Variants in YES1 observed in about 807,000 individuals in gnomAD.
YES1 encodes YES proto-oncogene 1, Src family tyrosine kinase.
Under a neutral mutation model 70.4 loss-of-function variants are expected in YES1, and 39 were observed. That is an observed-to-expected ratio of 0.55 (90% confidence interval 0.43 to 0.72). YES1 has a LOEUF of 0.72. YES1 is among the 30% of genes least tolerant of loss of function. The probability of loss-of-function intolerance (pLI) is 0.00; values close to 1 mark genes in which losing one functional copy is unlikely to be tolerated. For synonymous variants in YES1, 198 were observed against 218.6 expected, an observed-to-expected ratio of 0.91 and a Z score of 0.83; for missense variants, 495 against 644.8, an observed-to-expected ratio of 0.77 and a Z score of 2.52.
At chr18:731,976 A>AAAC (rs1241864557) in intron 11 of YES1, among the ~76,000 whole-genome samples, 2 of 151,268 alleles carry the variant, frequency 1.3e-5, no homozygotes, top group African/African-American at 4.9e-5. Context: ...CAAAAAAAAA[A>AAAC]AAAAAAAAAA....
At chr18:786,651 A>AT (rs1444927415) in intron 1 of YES1, among the ~76,000 whole-genome samples, 1 of 152,126 alleles carries the variant, frequency 6.6e-6, no homozygotes, top group Non-Finnish European at 1.5e-5. Context: ...TTTCTGCATT[A>AT]TTTAGCAACT....
At chr18:801,113 T>C (rs1829123286) in intron 1 of YES1, among the ~76,000 whole-genome samples, 1 of 151,992 alleles carries the variant, frequency 6.6e-6, no homozygotes. Flanking sequence ...GTCACAGCAC[T>C]CCAGCCTGGG....
At chr18:772,514 C>T (rs530641159) in intron 1 of YES1, among the ~76,000 whole-genome samples, 1 of 152,036 alleles carries the variant, frequency 6.6e-6, no homozygotes, top group South Asian at 2.1e-4. Context: ...CTCACTGCAA[C>T]CTCCGCCTCC....
At chr18:759,268 A>G (rs1904449624) in intron 1 of YES1, among the ~76,000 whole-genome samples, 3 of 152,224 alleles carry the variant, frequency 2.0e-5, no homozygotes, top group South Asian at 4.1e-4. Context: ...GAAGTTTGAG[A>G]CCAGCCTGGC....
chr18:796,747 CTCTG>C lies in YES1; in HGVS notation c.-9+15363_-9+15366del, dbSNP rs1490666409. ...CACTGGCCTGGGTGACAGAGGAAGA[CTCTG>C]TCTCATAAAATAAATAAATAAAATA... On this transcript the variant is annotated intron_variant, in intron 1 of 11. Coordinates refer to ENST00000314574, the MANE Select transcript of YES1 (RefSeq NM_005433.4). Among the ~76,000 whole-genome samples the C allele has an allele frequency of 5.3e-4, 80 of 152,186 alleles. 1 individual carries two copies. Among genetic ancestry groups the C allele is most frequent in the African/African-American group, 1.5e-3 (61 of 41,522 alleles).
chr18:765,261 T>C (rs1373440828), intron 1 of YES1, among the ~76,000 whole-genome samples: 1 of 57,280 alleles, frequency 1.7e-5, no homozygotes, highest in Non-Finnish European at 3.3e-5. Context: ...TATATATATA[T>C]ATATATATAT....
At chr18:795,961 A>G (rs1381473770) in intron 1 of YES1, among the ~76,000 whole-genome samples, 1 of 150,582 alleles carries the variant, frequency 6.6e-6, no homozygotes, top group African/African-American at 2.5e-5. Flanking sequence ...CCTATGAGTA[A>G]GTAAAACAAA....
chr18:811,510 C>A (rs1246043882), intron 1 of YES1, among the ~76,000 whole-genome samples: 1 of 152,204 alleles, frequency 6.6e-6, no homozygotes, highest in Non-Finnish European at 1.5e-5. Context: ...CCGAACGCAA[C>A]GGGAGGCGGA....
At chr18:801,401 G>A (rs1906815054) in intron 1 of YES1, among the ~76,000 whole-genome samples, 1 of 152,142 alleles carries the variant, frequency 6.6e-6, no homozygotes, top group South Asian at 2.1e-4. Flanking sequence ...CAGTATGGAA[G>A]AATCCTCACT....
intron 8 of YES1, among the ~76,000 whole-genome samples, chr18:741,063 G>A (rs2080211771): frequency 6.6e-6 from 1 of 151,644 alleles, no homozygotes; most frequent in African/African-American, 2.4e-5. Context: ...ACGCCCAGCT[G>A]TTTTTTGTAT....
chr18:770,210 G>A (rs536225874), intron 1 of YES1, among the ~76,000 whole-genome samples: 4 of 151,540 alleles, frequency 2.6e-5, no homozygotes, highest in South Asian at 4.2e-4. Context: ...TGCCTGCCTC[G>A]GCCTCCCAAA....
At chr18:765,056 C>T (rs62088306) in intron 1 of YES1, among the ~76,000 whole-genome samples, 50,760 of 150,736 alleles carry the variant, frequency 0.34, 8,789 homozygotes, top group East Asian at 0.53. Context: ...TTAAAGATAA[C>T]AGAACTCTCA....
At chr18:804,110 T>C (rs560062292) in intron 1 of YES1, among the ~76,000 whole-genome samples, 1 of 152,350 alleles carries the variant, frequency 6.6e-6, no homozygotes, top group African/African-American at 2.4e-5. Flanking sequence ...AAATATTAAC[T>C]GTATGTGTAT....
At chr18:727,970 T>C (rs534986996) in intron 11 of YES1, among the ~76,000 whole-genome samples, 1 of 152,332 alleles carries the variant, frequency 6.6e-6, no homozygotes, top group East Asian at 1.9e-4. Context: ...ATTTTGGATT[T>C]TTTTGGATTT....
intron 1 of YES1, among the ~76,000 whole-genome samples, chr18:810,814 T>G (rs960792615): frequency 6.6e-6 from 1 of 152,220 alleles, no homozygotes; most frequent in Non-Finnish European, 1.5e-5. Context: ...TATATATTAT[T>G]TGCTAAAGTA....
In YES1 at chr18:809,598, G is replaced by A. The variant is rs118120624; in HGVS notation, c.-9+2516C>T. On this transcript the variant is annotated intron_variant, in intron 1 of 11. Coordinates refer to ENST00000314574, the MANE Select transcript of YES1 (RefSeq NM_005433.4). ...TTACAGGTGTGAGCCACCGTGCCCAGCCTGACGTGTTCAAAGTAGTTATAC... is the reference window on the plus strand; with the variant it reads ...TTACAGGTGTGAGCCACCGTGCCCAACCTGACGTGTTCAAAGTAGTTATAC... Among the ~76,000 whole-genome samples the A allele has an allele frequency of 6.2e-4, 95 of 152,256 alleles. 2 individuals are homozygous for A. In the East Asian group the frequency reaches 0.017, roughly 28 times the overall value.
At chr18:755,006 A>C (rs1180212083) in intron 2 of YES1, among the ~76,000 whole-genome samples, 1 of 152,128 alleles carries the variant, frequency 6.6e-6, no homozygotes, top group Non-Finnish European at 1.5e-5. Flanking sequence ...CATATAAGTA[A>C]ATTGCTTTAG....
At chr18:765,591 G>A (rs1215184165) in intron 1 of YES1, among the ~76,000 whole-genome samples, 3 of 151,634 alleles carry the variant, frequency 2.0e-5, no homozygotes, top group Non-Finnish European at 2.9e-5. Flanking sequence ...GTAGAGACAC[G>A]GTTTCACCTT....
intron 1 of YES1, among the ~76,000 whole-genome samples, chr18:804,184 TTGA>T (rs1223529278): frequency 2.0e-5 from 3 of 152,240 alleles, no homozygotes; most frequent in African/African-American, 4.8e-5. Context: ...AATGTAAATT[TTGA>T]TGATAGTGGC....
Sources: gnomAD v4.1 joint callset for allele counts (sites outside exome capture counted in the v4.1 genomes callset) on GRCh38, gnomAD v4.1.1 for gene constraint, MANE v1.5 for transcripts, NCBI Gene and HGNC (gene_info 2026-07-23, HGNC 2026-07-21) for gene names.